The following PIEZO2 variants were observed in gnomAD, a reference collection of about 807,000 sequenced individuals.
PIEZO2 encodes piezo-type mechanosensitive ion channel component 2.
PIEZO2 carries 172 observed loss-of-function variants against 337.3 expected under a neutral mutation model. The observed-to-expected ratio is 0.51, with a 90% CI of 0.45 to 0.58. The LOEUF is 0.58. PIEZO2 is among the 20% of genes least tolerant of loss of function. The pLI is 0.00. For missense variants in PIEZO2, 3,028 were observed against 3,391.3 expected (o/e 0.89, Z 2.66); for synonymous variants, 1,251 against 1,228.5 (o/e 1.02, Z -0.38).
At chr18:10,725,595 C>A in intron 36 of PIEZO2, 2 of 1,339,552 alleles carry the variant, frequency 1.5e-6, no homozygotes, top group Non-Finnish European at 2.0e-6. Flanking sequence ...GCTTTCCCTT[C>A]CTGAGCAGCC....
intron 3 of PIEZO2, among the ~76,000 whole-genome samples, chr18:10,950,532 G>A (rs924301660): frequency 2.0e-5 from 3 of 152,172 alleles, no homozygotes; most frequent in South Asian, 2.1e-4. Flanking sequence ...TGTGTCTTTG[G>A]TTATTTCTTC....
intron 3 of PIEZO2, among the ~76,000 whole-genome samples, chr18:10,936,324 C>T (rs151098689): frequency 6.6e-6 from 1 of 152,242 alleles, no homozygotes; most frequent in East Asian, 1.9e-4. Flanking sequence ...GCTCATAAAC[C>T]TTCATGGGAT....
chr18:10,765,552 C>A (rs2038317544), intron 21 of PIEZO2, among the ~76,000 whole-genome samples: 1 of 152,154 alleles, frequency 6.6e-6, no homozygotes, highest in East Asian at 1.9e-4. Flanking sequence ...AAGGATTGGG[C>A]AAAGCTGGGA....
At chr18:11,066,019 G>A (rs1025154510) in intron 2 of PIEZO2, 108 bp downstream of exon 2, 1 of 841,588 alleles carries the variant, frequency 1.2e-6, no homozygotes, top group African/African-American at 1.7e-5. Flanking sequence ...TATTAGCCCT[G>A]CTGCATAGAT....
At chr18:10,889,656 C>T (rs1598636519) in intron 4 of PIEZO2, among the ~76,000 whole-genome samples, 1 of 152,282 alleles carries the variant, frequency 6.6e-6, no homozygotes, top group East Asian at 1.9e-4. Flanking sequence ...GAGACATCTA[C>T]CTGTGTGTGA....
chr18:10,698,601 C>A (rs1427790581), intron 44 of PIEZO2, among the ~76,000 whole-genome samples: 3 of 152,208 alleles, frequency 2.0e-5, no homozygotes, highest in Non-Finnish European at 2.9e-5. Flanking sequence ...TCTGGACACG[C>A]CCTGCAGATT....
At chr18:10,764,529 T>C (rs2038273758) in intron 21 of PIEZO2, among the ~76,000 whole-genome samples, 1 of 149,452 alleles carries the variant, frequency 6.7e-6, no homozygotes, top group Non-Finnish European at 1.5e-5. Context: ...TAATCCCAGC[T>C]ACAGTGGCCG....
intron 2 of PIEZO2, among the ~76,000 whole-genome samples, chr18:11,046,690 T>C (rs1409188799): frequency 6.6e-6 from 1 of 152,252 alleles, no homozygotes; most frequent in Non-Finnish European, 1.5e-5. Flanking sequence ...GGCCTCTTTC[T>C]AACTCTCAAT....
At chr18:11,029,379 G>A (rs1472291874) in intron 2 of PIEZO2, among the ~76,000 whole-genome samples, 1 of 152,220 alleles carries the variant, frequency 6.6e-6, no homozygotes, top group Admixed American at 6.5e-5. Context: ...CGTAAGTTTT[G>A]TTGGGTTTTT....
Position 10,731,426 on chromosome 18 carries a change from C to G in PIEZO2, c.5010G>C (p.Arg1670Ser), listed in dbSNP as rs1270051452. ...KRSAREERKRRRKGSKEGPVE... is the reference protein window; with the variant it reads ...KRSAREERKRSRKGSKEGPVE... The stretch of plus-strand genomic sequence containing the variant: ...ACTCACCCTCCTTGGATCCTTTCCG[C>G]CTTCGTTTCCGTTCTTCTCTTGCAG... The change falls in exon 36 of 56, where the codon AGG (arginine) becomes AGC (serine). Residue 1670 changes from arginine (R) to serine (S), a missense_variant. By Grantham distance (110) the Arg-to-Ser change is moderately radical. Around this residue, in one of 5 missense-constraint regions of PIEZO2, gnomAD observed 1,925 missense variants for 2,051.9 expected, o/e 0.94. Transcript: ENST00000674853. The G allele has an allele frequency of 6.5e-7, 1 of 1,534,814 alleles. No individual in the cohort carries two copies. The highest frequency in any genetic ancestry group is 8.7e-7 in the Non-Finnish European group (1 of 1,145,846).
At position 10,943,358 on chromosome 18, in the gene PIEZO2, G is replaced by A. The variant is rs1403200683; in HGVS notation, c.287-32130C>T. ...CTGTACCCTGCAAAGCCCCAGGGGT[G>A]GAGTTACCCAAGGCCGTGGGAGACC... On this transcript the variant is annotated intron_variant, in intron 3 of 55. Transcript: ENST00000674853. This position sits in a 1 kb window ranked among gnomAD's most constrained non-coding sequence, Gnocchi z 4.5. Among the ~76,000 whole-genome samples the A allele has an allele frequency of 6.6e-6, 1 of 152,208 alleles. No homozygotes were observed. The highest frequency in any genetic ancestry group is 1.5e-5 in the Non-Finnish European group (1 of 68,042).
At chr18:11,090,727 C>A (rs1456343075) in intron 1 of PIEZO2, among the ~76,000 whole-genome samples, 2 of 151,774 alleles carry the variant, frequency 1.3e-5, no homozygotes, top group East Asian at 3.9e-4. Context: ...CTGGCTAACA[C>A]GGTGAAACCA....
rs549745915 is a variant in PIEZO2 at position 11,056,760 on chromosome 18, G to A, written c.160+9367C>T. 5.4e-4 allele frequency among the ~76,000 whole-genome samples: 82 copies of A among 152,208 alleles called. No homozygotes were observed. The South Asian group carries it at 0.013, about 24-fold the overall frequency. ...ATGGCTCTATGTACAACCAGGCCTCGCCTGGGCCTCTTCACAGTCAGCTGT... is the reference window on the plus strand; with the variant it reads ...ATGGCTCTATGTACAACCAGGCCTCACCTGGGCCTCTTCACAGTCAGCTGT... On this transcript the variant is annotated intron_variant, in intron 2 of 55. Coordinates refer to ENST00000674853, the MANE Select transcript of PIEZO2 (RefSeq NM_001378183.1).
chr18:10,770,212 C>T lies in PIEZO2; in HGVS notation c.2882G>A (p.Trp961Ter). 1 of 1,537,360 alleles carries T rather than the reference C, an allele frequency of 6.5e-7. No individual in the cohort carries two copies. The highest frequency in any genetic ancestry group is 1.2e-5 in the South Asian group (1 of 84,054). ...TTTGATGATGTGCAACTCCAAAATC[C>T]ACCACATGAACACCTGCAGCTTGTG... ...YFHKLQVFMW[W>*]ILELHIIKIV... is the part of the protein sequence containing the mutation. Residue 961 changes from tryptophan (W) to a stop codon, truncating the protein, a stop_gained, in exon 21 of 56, where the codon TGG becomes TAG. Transcript: ENST00000674853. LOFTEE classifies it high-confidence loss of function.
chr18:10,825,550 C>CTTTTTT (rs57159292), intron 7 of PIEZO2, among the ~76,000 whole-genome samples: 9 of 113,832 alleles, frequency 7.9e-5, no homozygotes, highest in Admixed American at 2.8e-4. Context: ...TCCTTTCTTC[C>CTTTTTT]TTTTTTTTTT....
chr18:10,803,505 G>T (rs992191685), intron 9 of PIEZO2, among the ~76,000 whole-genome samples: 1 of 152,044 alleles, frequency 6.6e-6, no homozygotes, highest in African/African-American at 2.4e-5. Context: ...CCAAATACCC[G>T]ACAGAGTAAA....
At chr18:10,678,820 TC>T (rs2034132047) in intron 52 of PIEZO2, among the ~76,000 whole-genome samples, 1 of 151,922 alleles carries the variant, frequency 6.6e-6, no homozygotes, top group African/African-American at 2.4e-5. Flanking sequence ...GTCTCTCTCT[TC>T]GGAGACAGTC....
chr18:11,049,077 A>G (rs1002256857), intron 2 of PIEZO2, among the ~76,000 whole-genome samples: 1 of 152,178 alleles, frequency 6.6e-6, no homozygotes, highest in African/African-American at 2.4e-5. Context: ...AAATACATAA[A>G]CAAATCAGCT....
chr18:10,886,380 G>GTGTGTGTGTGTGTGTA (rs1555669557), intron 4 of PIEZO2, among the ~76,000 whole-genome samples: 1 of 3,040 alleles, frequency 3.3e-4, no homozygotes, highest in African/African-American at 2.8e-3. Context: ...GTGTGTGTGT[G>GTGTGTGTGTGTGTGTA]TATATATATA....
Sources: allele counts gnomAD v4.1 joint callset (sites outside exome capture counted in the v4.1 genomes callset), GRCh38; gene constraint gnomAD v4.1.1; regional missense constraint gnomAD v4.1.1; non-coding constraint Gnocchi (gnomAD v3.1); transcripts MANE v1.5; gene names NCBI Gene and HGNC (gene_info 2026-07-23, HGNC 2026-07-21).